HAPLN1: variants seen among roughly 807,000 people sequenced by gnomAD.
HAPLN1 encodes hyaluronan and proteoglycan link protein 1.
A neutral mutation model predicts 36.5 loss-of-function variants in HAPLN1; 13 were observed. That is an observed-to-expected ratio of 0.36 (90% confidence interval 0.23 to 0.57). The LOEUF (loss-of-function observed/expected upper bound fraction) is 0.57, where lower values mean the gene tolerates loss of function less well. HAPLN1 is among the 20% of genes least tolerant of loss of function. The probability of loss-of-function intolerance (pLI) is 0.83; values close to 1 mark genes in which losing one functional copy is unlikely to be tolerated. For missense variants in HAPLN1, 407 were observed against 439.7 expected (o/e 0.93, Z 0.66); for synonymous variants, 202 against 169.8 (o/e 1.19, Z -1.48).
chr5:83,697,507 T>C (rs527383986), intron 1 of HAPLN1, among the ~76,000 whole-genome samples: 3 of 152,330 alleles, frequency 2.0e-5, no homozygotes, highest in East Asian at 3.9e-4. Flanking sequence ...TTAACACCCA[T>C]GCACAAGTTT....
At chr5:83,650,834 C>T (rs1310999095) in intron 3 of HAPLN1, among the ~76,000 whole-genome samples, 8 of 151,686 alleles carry the variant, frequency 5.3e-5, no homozygotes, top group Admixed American at 1.3e-4. Flanking sequence ...CGGGGTTTCA[C>T]CATGTTAGCC....
At chr5:83,699,339 C>T (rs1315815351) in intron 1 of HAPLN1, among the ~76,000 whole-genome samples, 1 of 152,298 alleles carries the variant, frequency 6.6e-6, no homozygotes, top group South Asian at 2.1e-4. Flanking sequence ...CTGAATGACG[C>T]CTTCCAGCAA....
intron 2 of HAPLN1, among the ~76,000 whole-genome samples, chr5:83,659,247 C>T (rs1315569062): frequency 1.3e-5 from 2 of 151,654 alleles, no homozygotes; most frequent in Non-Finnish European, 2.9e-5. Flanking sequence ...GCACTCCAGC[C>T]TGGGTGACAG....
At chr5:83,654,094 C>T (rs557108022) in intron 2 of HAPLN1, among the ~76,000 whole-genome samples, 1 of 152,252 alleles carries the variant, frequency 6.6e-6, no homozygotes, top group African/African-American at 2.4e-5. Context: ...TATTGAATGG[C>T]AAATATAGGA....
chr5:83,643,374 AAG>A (rs1481614831), intron 4 of HAPLN1, among the ~76,000 whole-genome samples: 3 of 140,082 alleles, frequency 2.1e-5, no homozygotes, highest in Admixed American at 7.0e-5. Context: ...AAAAAAAAAA[AAG>A]ATTATTGACC....
In HAPLN1 at chr5:83,644,414, C is replaced by T. The variant is rs1422259616; in HGVS notation, c.724G>A (p.Asp242Asn). Residue 242 changes from aspartate (D) to asparagine (N), a missense_variant, in exon 4 of 5, where the codon GAT becomes AAT. By Grantham distance (23) the Asp-to-Asn change is conservative (BLOSUM62 1). Transcript: ENST00000274341. The part of the protein sequence containing the change: ...VPGVRNYGFW[D>N]KDKSRYDVFC... ...ACATCATATCTGCTTTTATCTTTAT[C>T]CCAAAATCCGTAGTTCCTGACTCCG... 1.9e-6 allele frequency: 3 copies of T among 1,600,774 alleles called. No homozygotes were observed. The highest frequency in any genetic ancestry group is 2.7e-5 in the African/African-American group (2 of 73,986).
At chr5:83,661,566 T>C (rs921397831) in intron 2 of HAPLN1, among the ~76,000 whole-genome samples, 1 of 143,208 alleles carries the variant, frequency 7.0e-6, no homozygotes, top group Non-Finnish European at 1.5e-5. Context: ...TGCCTCAGCC[T>C]CCCAAGTAGC....
At chr5:83,719,439 CA>C (rs1751978412) in intron 1 of HAPLN1, among the ~76,000 whole-genome samples, 1 of 152,104 alleles carries the variant, frequency 6.6e-6, no homozygotes, top group South Asian at 2.1e-4. Context: ...AGGTCATCAA[CA>C]AAAGTATAAA....
intron 1 of HAPLN1, among the ~76,000 whole-genome samples, chr5:83,694,014 C>T (rs1472770790): frequency 2.6e-5 from 4 of 151,806 alleles, no homozygotes; most frequent in Non-Finnish European, 4.4e-5. Context: ...CAAATGCATA[C>T]CAACCACTTA....
chr5:83,720,086 G>T (rs1004994111), intron 1 of HAPLN1, among the ~76,000 whole-genome samples: 2 of 152,152 alleles, frequency 1.3e-5, no homozygotes, highest in Non-Finnish European at 2.9e-5. Flanking sequence ...ACAAGTTTAG[G>T]TTTGTTTTTG....
Position 83,641,607 on chromosome 5 carries a change from G to C in HAPLN1, c.954C>G (p.Ile318Met). 1 of 1,614,212 alleles carries C rather than the reference G, an allele frequency of 6.2e-7. No homozygotes were observed. The highest frequency in any genetic ancestry group is 2.2e-5 in the East Asian group (1 of 44,884). The stretch of plus-strand genomic sequence containing the variant: ...GACTGCAGCGCCTTCTTGGCCTAGA[G>C]ATGGGGTAGCGGACGCTGCCATCCG... Reference protein sequence around the residue: ...WLADGSVRYPISRPRRRCSPT... With the variant: ...WLADGSVRYPMSRPRRRCSPT... Residue 318 changes from isoleucine to methionine, a missense_variant, in exon 5 of 5, where the codon ATC (isoleucine) becomes ATG (methionine). Coordinates refer to ENST00000274341, the MANE Select transcript of HAPLN1 (RefSeq NM_001884.4).
chr5:83,667,499 A>T (rs1159781745), intron 2 of HAPLN1, among the ~76,000 whole-genome samples: 1 of 152,174 alleles, frequency 6.6e-6, no homozygotes, highest in Non-Finnish European at 1.5e-5. Context: ...TGTGATTTAT[A>T]AAATATTTGT....
chr5:83,681,327 G>T (rs1285258617), intron 1 of HAPLN1, among the ~76,000 whole-genome samples: 1 of 151,998 alleles, frequency 6.6e-6, no homozygotes, highest in Non-Finnish European at 1.5e-5. Context: ...CCATCAGAAG[G>T]CCCCTTGTAA....
intron 1 of HAPLN1, among the ~76,000 whole-genome samples, chr5:83,679,670 G>A (rs770098208): frequency 3.9e-5 from 6 of 152,080 alleles, no homozygotes; most frequent in Non-Finnish European, 8.8e-5. Context: ...AACTATACTA[G>A]GAAAACAGTA....
intron 1 of HAPLN1, among the ~76,000 whole-genome samples, chr5:83,680,977 A>G (rs1750984546): frequency 3.3e-5 from 5 of 152,178 alleles, no homozygotes; most frequent in Admixed American, 2.6e-4. Context: ...GCCATGATAT[A>G]TTGGCTTTAT....
chr5:83,690,784 A>G (rs1751251326), intron 1 of HAPLN1, among the ~76,000 whole-genome samples: 1 of 152,082 alleles, frequency 6.6e-6, no homozygotes. Context: ...TTATATATTC[A>G]GGCATATTAT....
At chr5:83,673,325 A>G in intron 2 of HAPLN1, 99 bp downstream of exon 2, 2 of 791,742 alleles carry the variant, frequency 2.5e-6, no homozygotes, top group South Asian at 1.8e-5. Context: ...GAAAAAGTCA[A>G]TGCAGCAGAA....
At chr5:83,668,118 C>T (rs765300524) in intron 2 of HAPLN1, among the ~76,000 whole-genome samples, 1 of 152,154 alleles carries the variant, frequency 6.6e-6, no homozygotes, top group Admixed American at 6.5e-5. Context: ...CTACTATGTG[C>T]CAGTTGTTGG....
intron 1 of HAPLN1, among the ~76,000 whole-genome samples, chr5:83,685,308 G>A (rs1032192517): frequency 3.9e-5 from 6 of 152,146 alleles, no homozygotes; most frequent in African/African-American, 1.4e-4. Context: ...TGCTATGTAT[G>A]CCTCTGTGGC....
Sources: gnomAD v4.1 joint callset for allele counts (sites outside exome capture counted in the v4.1 genomes callset) on GRCh38, gnomAD v4.1.1 for gene constraint, MANE v1.5 for transcripts, NCBI Gene and HGNC (gene_info 2026-07-23, HGNC 2026-07-21) for gene names.